Variants in OTUD7B observed in about 807,000 individuals in gnomAD.
OTUD7B encodes OTU domain-containing protein 7B.
In OTUD7B, 34 loss-of-function variants were observed where a neutral mutation model predicts 82.2. That is an observed-to-expected ratio of 0.41 (90% CI 0.31 to 0.55). The LOEUF (loss-of-function observed/expected upper bound fraction) is 0.55. OTUD7B is among the 20% of genes least tolerant of loss of function. The probability of loss-of-function intolerance (pLI) is 0.20; values close to 1 mark genes in which losing one functional copy is unlikely to be tolerated. For synonymous variants in OTUD7B, 398 were observed against 402.7 expected (o/e 0.99, Z 0.14); for missense variants, 944 against 1,062.1 (o/e 0.89, Z 1.55).
At chr1:150,057,738 A>T in the OTUD7B span, among the ~76,000 whole-genome samples, 1 of 152,226 alleles carries the variant, frequency 6.6e-6, no homozygotes, top group Non-Finnish European at 1.5e-5. Flanking sequence ...TGATACTCTA[A>T]AACATTATAT....
the OTUD7B span, among the ~76,000 whole-genome samples, chr1:150,030,953 A>G: frequency 2.0e-5 from 3 of 152,174 alleles, no homozygotes; most frequent in Middle Eastern, 6.8e-3. Context: ...TTGTATTTTT[A>G]GTAGAGACAG....
Position 149,944,628 on chromosome 1 carries a change from C to G in OTUD7B, c.1761G>C (p.Lys587Asn). The G allele has an allele frequency of 6.2e-7, 1 of 1,614,090 alleles. No homozygotes were observed. Among genetic ancestry groups the G allele is most frequent in the Admixed American group, 1.7e-5 (1 of 60,018 alleles). Residue 587 changes from lysine to asparagine, a missense_variant, in exon 12 of 12, where the codon AAG (lysine) becomes AAC (asparagine). Physicochemically the swap from Lys to Asn is moderately conservative, Grantham distance 94 (BLOSUM62 0). Transcript: ENST00000581312. ...PAESVGNGGS[K>N]YSQEVMQSLS... ...GGCTCTGCATCACCTCCTGGCTATA[C>G]TTGCTCCCTCCGTTACCAACAGACT...
At chr1:150,065,622 C>A in the OTUD7B span, among the ~76,000 whole-genome samples, 4 of 152,090 alleles carry the variant, frequency 2.6e-5, no homozygotes, top group Non-Finnish European at 4.4e-5. Flanking sequence ...CACTTGCCTG[C>A]AACAAAACAA....
At chr1:150,060,345 T>G in the OTUD7B span, among the ~76,000 whole-genome samples, 1 of 152,180 alleles carries the variant, frequency 6.6e-6, no homozygotes, top group Non-Finnish European at 1.5e-5. Context: ...GGGTGGGCCC[T>G]AATATGATTG....
At chr1:149,991,743 T>A (rs1553782125) in intron 1 of OTUD7B, among the ~76,000 whole-genome samples, 1 of 152,198 alleles carries the variant, frequency 6.6e-6, no homozygotes, top group African/African-American at 2.4e-5. Flanking sequence ...TAATCTTTCC[T>A]TGACTTCACA....
chr1:150,037,017 T>C, the OTUD7B span, among the ~76,000 whole-genome samples: 67 of 152,208 alleles, frequency 4.4e-4, no homozygotes, highest in Non-Finnish European at 7.8e-4. Flanking sequence ...ATTCATCCTA[T>C]AGACAAAAAC....
In OTUD7B at chr1:149,940,534, CAAG is replaced by C. The variant is rs1281003047; in HGVS notation, c.*3320_*3322del. On this transcript the variant is annotated 3_prime_UTR_variant, in exon 12 of 12. Coordinates refer to ENST00000581312, the MANE Select transcript of OTUD7B (RefSeq NM_020205.4). The stretch of plus-strand genomic sequence containing the variant: ...CTGTCTAACATCAAAAAGGGAAAAA[CAAG>C]AACCCTGAAAATCTCCCCTCTCCAT... 6.6e-6 allele frequency: 1 copy of C among 152,072 alleles called. No individual in the cohort carries two copies. Among genetic ancestry groups the C allele is most frequent in the Non-Finnish European group, 1.5e-5 (1 of 68,036 alleles). The allele number at this position is 152,072 out of a possible 1,614,324, so 9.4% of individuals were successfully genotyped here.
intron 3 of OTUD7B, among the ~76,000 whole-genome samples, chr1:149,969,193 C>A (rs904807550): frequency 2.0e-5 from 3 of 151,970 alleles, no homozygotes; most frequent in African/African-American, 7.2e-5. Flanking sequence ...TGAGGTGGTG[C>A]GTGCCCATGC....
intron 7 of OTUD7B, among the ~76,000 whole-genome samples, chr1:149,957,565 T>C (rs1648778614): frequency 6.6e-6 from 1 of 152,204 alleles, no homozygotes; most frequent in Non-Finnish European, 1.5e-5. Context: ...TTCAAAGCTG[T>C]CAGACAGGGA....
chr1:150,045,676 CTGTT>C, the OTUD7B span, among the ~76,000 whole-genome samples: 306 of 152,298 alleles, frequency 2.0e-3, 1 homozygote, highest in African/African-American at 6.1e-3. Context: ...CTTCTCTAGT[CTGTT>C]TGTTACAGTC....
rs782429516 is a variant in OTUD7B, at chr1:149,943,935, G to T, written c.2454C>A (p.Phe818Leu). The change falls in exon 12 of 12, where the codon TTC becomes TTA. Residue 818 changes from phenylalanine to leucine, a missense_variant. Physicochemically the swap from Phe to Leu is conservative, Grantham distance 22. Around this residue, in one of 3 missense-constraint regions of OTUD7B, gnomAD observed 412 missense variants for 418.7 expected, o/e 0.98. Coordinates refer to ENST00000581312, the MANE Select transcript of OTUD7B (RefSeq NM_020205.4). ...SFYGHPETNN[F>L]CSCCYREELR... The stretch of plus-strand genomic sequence containing the variant: ...GTTCTTCCCTGTAACAACAGGAACA[G>T]AAGTTGTTTGTCTCAGGGTGTCCAT... 2 of 1,614,246 alleles carry T rather than the reference G, an allele frequency of 1.2e-6. No homozygotes were observed. The highest frequency in any genetic ancestry group is 8.5e-7 in the Non-Finnish European group (1 of 1,180,032).
the OTUD7B span, among the ~76,000 whole-genome samples, chr1:150,042,902 G>A: frequency 1.3e-5 from 2 of 151,960 alleles, no homozygotes; most frequent in Non-Finnish European, 2.9e-5. Context: ...ATTGTCCAAT[G>A]GTGCAAAGGA....
At chr1:149,979,100 G>C (rs182100694) in intron 1 of OTUD7B, among the ~76,000 whole-genome samples, 1 of 151,546 alleles carries the variant, frequency 6.6e-6, no homozygotes, top group Non-Finnish European at 1.5e-5. Flanking sequence ...ATCCATGAGC[G>C]CAGGGACACG....
chr1:149,986,314 TAA>T (rs1318248356), intron 1 of OTUD7B, among the ~76,000 whole-genome samples: 1 of 151,886 alleles, frequency 6.6e-6, no homozygotes, highest in Non-Finnish European at 1.5e-5. Context: ...CAGACAAGTC[TAA>T]AACAGTAACT....
intron 1 of OTUD7B, among the ~76,000 whole-genome samples, chr1:149,988,953 C>A (rs1380659955): frequency 1.3e-5 from 2 of 152,172 alleles, no homozygotes; most frequent in African/African-American, 4.8e-5. Flanking sequence ...AGAATCAATT[C>A]TCAAACATTT....
At chr1:150,025,249 C>T in the OTUD7B span, among the ~76,000 whole-genome samples, 2 of 151,868 alleles carry the variant, frequency 1.3e-5, no homozygotes, top group African/African-American at 4.8e-5. Flanking sequence ...TGGAGAAACC[C>T]TGTCTCTACT....
At chr1:150,064,294 C>A in the OTUD7B span, among the ~76,000 whole-genome samples, 6 of 152,128 alleles carry the variant, frequency 3.9e-5, no homozygotes, top group Non-Finnish European at 7.4e-5. Context: ...AAGAACACTG[C>A]ACAAATACTA....
At position 149,945,012 on chromosome 1, in the gene OTUD7B, C is replaced by G. The variant is rs782571631; in HGVS notation, c.1377G>C (p.Arg459=). 6.2e-7 allele frequency: 1 copy of G among 1,614,090 alleles called. No homozygotes were observed. The part of the protein sequence containing the change: ...SPTASAGDEP[R]STPESGDSDK... ...CTGAGTCTCCAGACTCAGGAGTGGA[C>G]CGGGGCTCATCTCCAGCTGAGGCGG... is the stretch of plus-strand genomic sequence containing the variant. The change falls in exon 12 of 12, where the codon CGG becomes CGC. Residue 459 remains arginine, a synonymous_variant. Transcript: ENST00000581312.
At chr1:149,967,953 C>G (rs1166913319) in intron 3 of OTUD7B, among the ~76,000 whole-genome samples, 1 of 152,026 alleles carries the variant, frequency 6.6e-6, no homozygotes, top group Non-Finnish European at 1.5e-5. Flanking sequence ...TGGGAAATAC[C>G]TTTTCTAAAG....
Sources: allele counts gnomAD v4.1 joint callset (sites outside exome capture counted in the v4.1 genomes callset), GRCh38; gene constraint gnomAD v4.1.1; regional missense constraint gnomAD v4.1.1; transcripts MANE v1.5; gene names NCBI Gene and HGNC (gene_info 2026-07-23, HGNC 2026-07-21).